GALNT13: variants seen among roughly 807,000 people sequenced by gnomAD.
GALNT13 encodes the protein UDP-GalNAc:polypeptide N-acetylgalactosaminyltransferase 13.
A neutral mutation model predicts 64.2 loss-of-function variants in GALNT13; 28 were observed. The observed-to-expected ratio is 0.44, with a 90% CI of 0.32 to 0.60. GALNT13 has a LOEUF of 0.60. GALNT13 is among the 20% of genes least tolerant of loss of function. The pLI, the probability that GALNT13 is intolerant of heterozygous loss-of-function variation, is 0.05. For missense variants in GALNT13, 577 were observed against 669.8 expected, an observed-to-expected ratio of 0.86 and a Z score of 1.53; for synonymous variants, 214 against 224.6, an observed-to-expected ratio of 0.95 and a Z score of 0.42.
the GALNT13 span, among the ~76,000 whole-genome samples, chr2:153,759,728 C>T: frequency 3.3e-4 from 50 of 151,772 alleles, no homozygotes; most frequent in East Asian, 2.9e-3. Flanking sequence ...ACATTTTGTT[C>T]GGGATTTTTG....
chr2:154,162,715 C>T (rs188540892), intron 4 of GALNT13, among the ~76,000 whole-genome samples: 5 of 152,246 alleles, frequency 3.3e-5, no homozygotes, highest in African/African-American at 1.2e-4. Flanking sequence ...TTTATTCTCA[C>T]TGTGCTTAAA....
At chr2:154,118,758 T>G (rs1681759588) in intron 3 of GALNT13, among the ~76,000 whole-genome samples, 1 of 152,128 alleles carries the variant, frequency 6.6e-6, no homozygotes, top group Non-Finnish European at 1.5e-5. Context: ...CCATGTTGTT[T>G]ACTAGAACAT....
At chr2:154,108,000 G>A (rs1057016877) in intron 3 of GALNT13, among the ~76,000 whole-genome samples, 17 of 152,060 alleles carry the variant, frequency 1.1e-4, no homozygotes, top group Non-Finnish European at 2.4e-4. Context: ...ATTCATTTGT[G>A]TGTTGTTGTA....
At chr2:154,133,580 A>ATATC (rs1558977238) in intron 3 of GALNT13, among the ~76,000 whole-genome samples, 3 of 123,574 alleles carry the variant, frequency 2.4e-5, no homozygotes, top group African/African-American at 1.0e-4. Context: ...ATATATATAT[A>ATATC]TATATCTGAG....
chr2:153,480,790 G>A, the GALNT13 span, among the ~76,000 whole-genome samples: 2 of 152,294 alleles, frequency 1.3e-5, no homozygotes, highest in African/African-American at 2.4e-5. Context: ...GGATCAAGTT[G>A]TACAGAACTG....
rs1691569880 is a variant in GALNT13 at position 153,944,505 on chromosome 2, G to A, written c.8G>A (p.Arg3Lys). MR[R>K]FVYCKVVLAT... ...TAGAAATCAAGGAAAGACATGAGGA[G>A]ATTTGTCTACTGCAAGGTGGTTCTA... The change falls in exon 3 of 13, where the codon AGA (arginine) becomes AAA (lysine). Residue 3 changes from arginine (R) to lysine (K), a missense_variant. Coordinates refer to ENST00000392825, the MANE Select transcript of GALNT13 (RefSeq NM_052917.4). The A allele has an allele frequency of 4.3e-6, 7 of 1,612,744 alleles. No individual in the cohort carries two copies. The highest frequency in any genetic ancestry group is 5.1e-6 in the Non-Finnish European group (6 of 1,179,344).
At chr2:153,804,191 TAC>T in the GALNT13 span, among the ~76,000 whole-genome samples, 1 of 152,198 alleles carries the variant, frequency 6.6e-6, no homozygotes, top group Non-Finnish European at 1.5e-5. Flanking sequence ...CTTTTTGAGA[TAC>T]AGTCTTGCCC....
At chr2:154,300,663 A>T (rs1693392673) in intron 8 of GALNT13, among the ~76,000 whole-genome samples, 1 of 152,118 alleles carries the variant, frequency 6.6e-6, no homozygotes, top group Non-Finnish European at 1.5e-5. Context: ...ATTTCATAGA[A>T]ATCAGTATTT....
chr2:154,151,822 G>C (rs1574611396), intron 4 of GALNT13, among the ~76,000 whole-genome samples: 1 of 152,212 alleles, frequency 6.6e-6, no homozygotes, highest in East Asian at 1.9e-4. Flanking sequence ...GCCTATGTGT[G>C]TGTCTGCATG....
At chr2:153,994,599 G>A (rs1014037097) in intron 3 of GALNT13, among the ~76,000 whole-genome samples, 3 of 152,086 alleles carry the variant, frequency 2.0e-5, no homozygotes, top group Non-Finnish European at 4.4e-5. Flanking sequence ...ACTTTTTAAT[G>A]ATCGCCATTC....
At chr2:153,173,711 G>T in the GALNT13 span, among the ~76,000 whole-genome samples, 1 of 152,070 alleles carries the variant, frequency 6.6e-6, no homozygotes, top group Non-Finnish European at 1.5e-5. Context: ...TCCCAACATT[G>T]CTAAAAGTCT....
At chr2:153,283,611 C>T in the GALNT13 span, among the ~76,000 whole-genome samples, 1 of 152,072 alleles carries the variant, frequency 6.6e-6, no homozygotes, top group South Asian at 2.1e-4. Context: ...CCCCACTTCA[C>T]CACGATCTCT....
chr2:153,165,068 G>C, the GALNT13 span, among the ~76,000 whole-genome samples: 1 of 152,158 alleles, frequency 6.6e-6, no homozygotes, highest in Admixed American at 6.5e-5. Flanking sequence ...CTGCATATAA[G>C]CCTTTTGTAA....
chr2:153,857,436 G>T, the GALNT13 span, among the ~76,000 whole-genome samples: 1 of 152,140 alleles, frequency 6.6e-6, no homozygotes, highest in African/African-American at 2.4e-5. Flanking sequence ...AAAAAAATCT[G>T]TATCACATAA....
At chr2:153,162,232 AG>A in the GALNT13 span, among the ~76,000 whole-genome samples, 1 of 152,184 alleles carries the variant, frequency 6.6e-6, no homozygotes, top group Non-Finnish European at 1.5e-5. Flanking sequence ...TTCTTGGTAC[AG>A]GGTTATTTTT....
At chr2:153,985,065 T>C (rs1324755067) in intron 3 of GALNT13, among the ~76,000 whole-genome samples, 1 of 152,054 alleles carries the variant, frequency 6.6e-6, no homozygotes, top group Non-Finnish European at 1.5e-5. Flanking sequence ...CAGTTCCATC[T>C]GTGTTGTAAG....
At chr2:153,493,443 A>C in the GALNT13 span, among the ~76,000 whole-genome samples, 1 of 152,118 alleles carries the variant, frequency 6.6e-6, no homozygotes, top group African/African-American at 2.4e-5. Flanking sequence ...CAAATGTAAC[A>C]AACACAATAC....
the GALNT13 span, among the ~76,000 whole-genome samples, chr2:153,414,265 T>G: frequency 2.6e-5 from 4 of 151,636 alleles, no homozygotes; most frequent in Non-Finnish European, 4.4e-5. Context: ...ATCCCAGCTA[T>G]TCAGGAGGCT....
At chr2:154,334,687 A>C (rs781351916) in intron 9 of GALNT13, among the ~76,000 whole-genome samples, 2 of 151,980 alleles carry the variant, frequency 1.3e-5, no homozygotes, top group Non-Finnish European at 2.9e-5. Context: ...GACTTTGTGT[A>C]TATCTCTCCG....
Sources: allele counts gnomAD v4.1 joint callset (sites outside exome capture counted in the v4.1 genomes callset), GRCh38; gene constraint gnomAD v4.1.1; transcripts MANE v1.5; gene names NCBI Gene and HGNC (gene_info 2026-07-23, HGNC 2026-07-21).